GRM5: variants seen among roughly 807,000 people sequenced by gnomAD.
The protein encoded by GRM5 is metabotropic glutamate receptor 5.
Under a neutral mutation model 83.1 loss-of-function variants are expected in GRM5, and 19 were observed. The observed-to-expected ratio is 0.23, with a 90% CI of 0.16 to 0.34. The LOEUF (loss-of-function observed/expected upper bound fraction) is 0.34. GRM5 is among the 10% of genes least tolerant of loss of function. The pLI is 1.00. For synonymous variants in GRM5, 675 were observed against 633.6 expected, an observed-to-expected ratio of 1.07 and a Z score of -0.98; for missense variants, 1,160 against 1,588.3, an observed-to-expected ratio of 0.73 and a Z score of 4.58.
chr11:88,944,618 G>GT (rs1239265783), intron 2 of GRM5, among the ~76,000 whole-genome samples: 1 of 151,262 alleles, frequency 6.6e-6, no homozygotes, highest in South Asian at 2.1e-4. Context: ...CAGATAACCT[G>GT]TTTTTTTAAA....
chr11:89,035,964 A>C (rs1286695212), intron 2 of GRM5, among the ~76,000 whole-genome samples: 1 of 152,222 alleles, frequency 6.6e-6, no homozygotes, highest in African/African-American at 2.4e-5. Context: ...GCACATAAGC[A>C]TGTCCAATTT....
At chr11:88,617,725 G>A (rs927326020) in intron 4 of GRM5, among the ~76,000 whole-genome samples, 1 of 152,166 alleles carries the variant, frequency 6.6e-6, no homozygotes, top group African/African-American at 2.4e-5. Context: ...TCCCAACAGT[G>A]TGCGGGGGAA....
intron 2 of GRM5, among the ~76,000 whole-genome samples, chr11:88,977,368 A>G (rs960234410): frequency 6.6e-6 from 1 of 152,006 alleles, no homozygotes. Context: ...GCCCGCCACC[A>G]CACCCAGCTA....
At chr11:88,820,561 C>T (rs1011420970) in intron 3 of GRM5, among the ~76,000 whole-genome samples, 5 of 152,148 alleles carry the variant, frequency 3.3e-5, no homozygotes, top group Non-Finnish European at 5.9e-5. Flanking sequence ...CTGGCTTTTA[C>T]AGTTATTAAC....
intron 8 of GRM5, among the ~76,000 whole-genome samples, chr11:88,561,877 A>G (rs536087825): frequency 1.3e-5 from 2 of 152,234 alleles, no homozygotes; most frequent in Admixed American, 6.5e-5. Flanking sequence ...TTAACTTCAC[A>G]GAAAATTGTT....
At chr11:88,679,114 T>C (rs759131420) in intron 3 of GRM5, among the ~76,000 whole-genome samples, 15 of 152,232 alleles carry the variant, frequency 9.9e-5, no homozygotes, top group East Asian at 1.9e-4. Context: ...TGTTACAATA[T>C]GAAAAATTAC....
rs185746236 is a variant in GRM5, at chr11:89,033,295, T to C, written c.661+13917A>G. ...AAATAAAATATGGTTTCCAGAGCAA[T>C]TCCAAGATTAATACTCTTTCCACTG... On this transcript the variant is annotated intron_variant, in intron 2 of 9. Coordinates refer to ENST00000305447, the MANE Select transcript of GRM5 (RefSeq NM_001143831.3). Among the ~76,000 whole-genome samples, 9 of 149,482 alleles carry C rather than the reference T, an allele frequency of 6.0e-5. No individual in the cohort carries two copies. In the East Asian group the frequency reaches 1.5e-3, roughly 26 times the overall value.
intron 8 of GRM5, among the ~76,000 whole-genome samples, chr11:88,535,758 C>G (rs146868858): frequency 1.3e-5 from 2 of 152,176 alleles, no homozygotes; most frequent in East Asian, 3.9e-4. Flanking sequence ...GTGTGTGTCT[C>G]TCTGTGTGTG....
intron 2 of GRM5, among the ~76,000 whole-genome samples, chr11:88,925,143 T>C (rs1363233627): frequency 6.6e-6 from 1 of 151,992 alleles, no homozygotes; most frequent in Non-Finnish European, 1.5e-5. Flanking sequence ...GGCCTCAAGA[T>C]AGACAGGAAG....
intron 3 of GRM5, among the ~76,000 whole-genome samples, chr11:88,705,262 C>T (rs928541551): frequency 6.6e-6 from 1 of 152,004 alleles, no homozygotes; most frequent in African/African-American, 2.4e-5. Flanking sequence ...GCTTGAGCTG[C>T]ACTCCCAGGG....
intron 3 of GRM5, among the ~76,000 whole-genome samples, chr11:88,686,892 C>A (rs1273598184): frequency 1.3e-5 from 2 of 152,100 alleles, no homozygotes; most frequent in Non-Finnish European, 2.9e-5. Context: ...ACTCTCATGG[C>A]ACTGACCAGA....
At chr11:88,988,759 T>G (rs1207691536) in intron 2 of GRM5, among the ~76,000 whole-genome samples, 1 of 148,460 alleles carries the variant, frequency 6.7e-6, no homozygotes, top group East Asian at 2.0e-4. Context: ...CCAGCCAAAC[T>G]AAGCTTCATA....
intron 7 of GRM5, among the ~76,000 whole-genome samples, chr11:88,574,991 T>C (rs1943078209): frequency 6.7e-6 from 1 of 149,470 alleles, no homozygotes; most frequent in Admixed American, 6.6e-5. Context: ...TTTTCTTTTT[T>C]TTTTTTTTTT....
At chr11:88,720,851 T>TGTGTGTGTGTG (rs1555001368) in intron 3 of GRM5, among the ~76,000 whole-genome samples, 1 of 150,266 alleles carries the variant, frequency 6.7e-6, no homozygotes, top group African/African-American at 2.4e-5. Context: ...TGTGCCTGTA[T>TGTGTGTGTGTG]TGAATTTATA....
chr11:88,896,633 G>A (rs604179), intron 2 of GRM5, among the ~76,000 whole-genome samples: 50,776 of 151,680 alleles, frequency 0.33, 8,837 homozygotes, highest in Non-Finnish European at 0.39. Context: ...CTGAGGACCA[G>A]AGGGCCAATG....
chr11:88,592,672 A>C (rs998446043), intron 6 of GRM5, among the ~76,000 whole-genome samples: 2 of 152,224 alleles, frequency 1.3e-5, no homozygotes, highest in Non-Finnish European at 2.9e-5. Flanking sequence ...GTGATAACTT[A>C]ATATGTTTTC....
intron 9 of GRM5, among the ~76,000 whole-genome samples, chr11:88,516,056 T>A (rs1448829374): frequency 6.6e-6 from 1 of 152,212 alleles, no homozygotes; most frequent in African/African-American, 2.4e-5. Flanking sequence ...TATTTACAAG[T>A]CTGTTCCTGC....
At chr11:88,820,790 A>C (rs940364506) in intron 3 of GRM5, among the ~76,000 whole-genome samples, 3 of 152,214 alleles carry the variant, frequency 2.0e-5, no homozygotes, top group African/African-American at 7.2e-5. Context: ...AGTATTTCTA[A>C]GTGTGTCCTT....
At chr11:88,795,899 C>A (rs143982962) in intron 3 of GRM5, among the ~76,000 whole-genome samples, 1 of 152,052 alleles carries the variant, frequency 6.6e-6, no homozygotes, top group Non-Finnish European at 1.5e-5. Context: ...ATTTTAGAAG[C>A]TTTCTTGATA....
Sources: gnomAD v4.1 joint callset for allele counts (sites outside exome capture counted in the v4.1 genomes callset) on GRCh38, gnomAD v4.1.1 for gene constraint, MANE v1.5 for transcripts, NCBI Gene and HGNC (gene_info 2026-07-23, HGNC 2026-07-21) for gene names.